HTN1: variants seen among roughly 807,000 people sequenced by gnomAD.
The protein encoded by HTN1 is histatin 1.
In HTN1, 18 loss-of-function variants were observed where a neutral mutation model predicts 11.2. The observed-to-expected ratio is 1.61, with a 90% CI of 1.12 to 2.39. The LOEUF is 2.39. Ranked by LOEUF, HTN1 falls within the 30% of genes most tolerant of loss-of-function variation. The pLI, the probability that HTN1 is intolerant of heterozygous loss-of-function variation, is 0.00. For synonymous variants in HTN1, 21 were observed against 20.5 expected (o/e 1.02, Z -0.07); for missense variants, 80 against 67.2 (o/e 1.19, Z -0.67).
intron 5 of HTN1, chr4:70,057,080 T>C (rs912210486): frequency 6.6e-6 from 1 of 152,190 alleles, no homozygotes; most frequent in African/African-American, 2.4e-5. Context: ...TAAAGACATA[T>C]GCCTACATAT....
At chr4:70,056,783 A>G (rs1389600164) in intron 5 of HTN1, 1 of 152,166 alleles carries the variant, frequency 6.6e-6, no homozygotes, top group Non-Finnish European at 1.5e-5. Flanking sequence ...AACAAGAAAA[A>G]AAGCTTATCA....
intron 1 of HTN1, among the ~76,000 whole-genome samples, chr4:70,051,419 G>A: frequency 6.6e-6 from 1 of 152,012 alleles, no homozygotes; most frequent in East Asian, 1.9e-4. Flanking sequence ...TTATTGATGT[G>A]TTACTTGGGA....
At chr4:70,050,637 T>C (rs144524140) in intron 1 of HTN1, 142 bp downstream of exon 1, 39 of 152,288 alleles carry the variant, frequency 2.6e-4, no homozygotes, top group African/African-American at 8.9e-4. Flanking sequence ...AAATAAATAA[T>C]TTACATTTTT....
Position 70,055,571 on chromosome 4 carries a change from A to G in HTN1, c.*2A>G. 6.6e-7 allele frequency: 1 copy of G among 1,520,622 alleles called. No homozygotes were observed. Among genetic ancestry groups the G allele is most frequent in the East Asian group, 2.3e-5 (1 of 44,298 alleles). 94.2% of individuals were successfully genotyped at this position (1,520,622 alleles called of 1,614,324 possible). A position where few individuals can be genotyped will look rare whatever the true frequency, so the allele number is the denominator to read the frequency against. On this transcript the variant is annotated 3_prime_UTR_variant, in exon 5 of 6. Coordinates refer to ENST00000246896, the MANE Select transcript of HTN1 (RefSeq NM_002159.4). ...TCAAATTATCTATATGACAATTGAT[A>G]TCCTTAGTAATCATGGGGCATGATT... is the stretch of plus-strand genomic sequence containing the variant.
intron 2 of HTN1, among the ~76,000 whole-genome samples, chr4:70,054,007 T>C (rs559078136): frequency 6.6e-6 from 1 of 152,278 alleles, no homozygotes; most frequent in African/African-American, 2.4e-5. Context: ...AACATATTCA[T>C]ATAAAAAACA....
chr4:70,056,766 G>A (rs1260817430), intron 5 of HTN1: 2 of 152,060 alleles, frequency 1.3e-5, no homozygotes, highest in African/African-American at 2.4e-5. Flanking sequence ...CATTCATGCA[G>A]CCAACAAACA....
rs576071095 is a variant in HTN1, at chr4:70,055,735, A to G, written c.*33+133A>G. 4 of 561,982 alleles carry G rather than the reference A, an allele frequency of 7.1e-6. No homozygotes were observed. In the East Asian group the frequency reaches 9.1e-5, roughly 13 times the overall value. The allele number at this position is 561,982 out of a possible 1,614,324, so 34.8% of individuals were successfully genotyped here. A position where few individuals can be genotyped will look rare whatever the true frequency, so the allele number is the denominator to read the frequency against. On this transcript the variant is annotated intron_variant, in intron 5 of 5. Coordinates refer to ENST00000246896, the MANE Select transcript of HTN1 (RefSeq NM_002159.4). ...AGCTCCTTGAAGTGTATTCATTTGT[A>G]TAAATGCTTCTGAAGCTGTAGATAT...
In HTN1 at chr4:70,050,499, A is replaced by G. The variant is rs191147664; in HGVS notation, c.-14+4A>G. The G allele has an allele frequency of 6.6e-5, 10 of 152,274 alleles. No homozygotes were observed. The East Asian group carries it at 1.5e-3, about 23-fold the overall frequency. The allele number at this position is 152,274 out of a possible 1,614,324, so 9.4% of individuals were successfully genotyped here. A position where few individuals can be genotyped will look rare whatever the true frequency, so the allele number is the denominator to read the frequency against. On this transcript the variant is annotated splice_donor_region_variant and intron_variant, in intron 1 of 5. Transcript: ENST00000246896. ...TGACTCTCCTCTTGAGTAAAAGGTA[A>G]TATGTTCAAGTACAATCTAATATTA...
chr4:70,057,499 A>G (rs1401225253), intron 5 of HTN1: 1 of 152,182 alleles, frequency 6.6e-6, no homozygotes, highest in Non-Finnish European at 1.5e-5. Context: ...TAGAACTTAA[A>G]GTAAAATTAA....
At chr4:70,057,062 T>C (rs1424699916) in intron 5 of HTN1, 1 of 152,168 alleles carries the variant, frequency 6.6e-6, no homozygotes, top group Non-Finnish European at 1.5e-5. Context: ...ACGTAAATCA[T>C]TCTACTATAA....
rs1214345123 is a variant in HTN1 at position 70,050,512 on chromosome 4, C to A, written c.-14+17C>A. 6.6e-6 allele frequency: 1 copy of A among 152,120 alleles called. No individual in the cohort carries two copies. The highest frequency in any genetic ancestry group is 2.4e-5 in the African/African-American group (1 of 41,430). 9.4% of individuals were successfully genotyped at this position (152,120 alleles called of 1,614,324 possible). On this transcript the variant is annotated intron_variant, in intron 1 of 5. Coordinates refer to ENST00000246896, the MANE Select transcript of HTN1 (RefSeq NM_002159.4). The stretch of plus-strand genomic sequence containing the variant: ...GAGTAAAAGGTAATATGTTCAAGTA[C>A]AATCTAATATTATATATTAGCATAA...
intron 5 of HTN1, chr4:70,056,809 G>T (rs191135039): frequency 9.2e-5 from 14 of 152,184 alleles, no homozygotes; most frequent in African/African-American, 3.4e-4. Context: ...GATCATTAGA[G>T]AAATGCAAAT....
At chr4:70,056,780 A>C (rs1287711475) in intron 5 of HTN1, 2 of 152,122 alleles carry the variant, frequency 1.3e-5, no homozygotes, top group Admixed American at 1.3e-4. Flanking sequence ...ACAAACAAGA[A>C]AAAAAGCTTA....
At chr4:70,058,025 A>G (rs982458974) in intron 5 of HTN1, 2 of 152,214 alleles carry the variant, frequency 1.3e-5, no homozygotes, top group African/African-American at 4.8e-5. Flanking sequence ...ACAGCATAAA[A>G]TGTTCCAAAA....
intron 1 of HTN1, among the ~76,000 whole-genome samples, chr4:70,052,404 A>T (rs1725917268): frequency 6.6e-6 from 1 of 152,086 alleles, no homozygotes. Flanking sequence ...TGTCACAACA[A>T]CCTAAGTGGT....
intron 5 of HTN1, chr4:70,055,803 T>C (rs1181796054): frequency 2.2e-5 from 9 of 412,396 alleles, no homozygotes; most frequent in Non-Finnish European, 3.9e-5. Context: ...CATTGGTCTG[T>C]ATGTTGTTTT....
chr4:70,055,161 TC>T (rs1437402591), intron 4 of HTN1, among the ~76,000 whole-genome samples: 1 of 152,142 alleles, frequency 6.6e-6, no homozygotes, highest in East Asian at 1.9e-4. Context: ...CTTAATCCTT[TC>T]CATAATACTC....
At chr4:70,052,872 G>A (rs1397944777) in intron 1 of HTN1, 192 bp from the exon 2 acceptor site, 1 of 495,634 alleles carries the variant, frequency 2.0e-6, no homozygotes, top group Non-Finnish European at 3.7e-6. Context: ...TGGGACTAGG[G>A]AGGCTAAGGT....
At position 70,054,428 on chromosome 4, in the gene HTN1, A is replaced by G. The variant is rs1397060977; in HGVS notation, c.80A>G (p.His27Arg). The change falls in exon 4 of 6, where the codon CAT becomes CGT. Residue 27 changes from histidine to arginine, a missense_variant. His to Arg is a conservative substitution (Grantham distance 29). Transcript: ENST00000246896. ...TTTCTTTTTATTTCATAGAGACATC[A>G]TGGGTATAGAAGAAAATTCCATGTA... ...ISADSHEKRH[H>R]GYRRKFHEKH... 5.9e-6 allele frequency: 9 copies of G among 1,521,550 alleles called. No individual in the cohort carries two copies. The highest frequency in any genetic ancestry group is 8.1e-6 in the Non-Finnish European group (9 of 1,106,092). 94.3% of individuals were successfully genotyped at this position (1,521,550 alleles called of 1,614,324 possible).
Sources: gnomAD v4.1 joint callset for allele counts (sites outside exome capture counted in the v4.1 genomes callset) on GRCh38, gnomAD v4.1.1 for gene constraint, MANE v1.5 for transcripts, NCBI Gene and HGNC (gene_info 2026-07-23, HGNC 2026-07-21) for gene names.